Variants in C10orf90 observed in about 807,000 individuals in gnomAD.
The protein encoded by C10orf90 is chromosome 10 open reading frame 90.
In C10orf90, 56 loss-of-function variants were observed where a neutral mutation model predicts 62.5. That is an observed-to-expected ratio of 0.90 (90% CI 0.72 to 1.12). C10orf90 has a LOEUF of 1.12. Ranked by LOEUF, C10orf90 falls within the 50% of genes most tolerant of loss-of-function variation. The probability of loss-of-function intolerance (pLI) is 0.00; values close to 1 mark genes in which losing one functional copy is unlikely to be tolerated. For missense variants in C10orf90, 970 were observed against 880.4 expected, an observed-to-expected ratio of 1.10 and a Z score of -1.29; for synonymous variants, 386 against 340.4, an observed-to-expected ratio of 1.13 and a Z score of -1.47.
chr10:126,613,377 C>G (rs1262472826), intron 2 of C10orf90, among the ~76,000 whole-genome samples: 5 of 152,082 alleles, frequency 3.3e-5, no homozygotes, highest in Non-Finnish European at 5.9e-5. Context: ...GTTGGGACTA[C>G]AGACATGTGC....
chr10:126,492,403 C>T (rs1313559283), intron 4 of C10orf90, among the ~76,000 whole-genome samples: 1 of 152,170 alleles, frequency 6.6e-6, no homozygotes, highest in East Asian at 1.9e-4. Flanking sequence ...GATAGATGTA[C>T]TGTGGTTATG....
At chr10:126,592,098 A>G (rs766481371) in intron 2 of C10orf90, among the ~76,000 whole-genome samples, 10 of 152,250 alleles carry the variant, frequency 6.6e-5, no homozygotes, top group Admixed American at 4.6e-4. Context: ...GGAAGAATCA[A>G]TATCATGAAA....
chr10:126,432,714 G>A (rs754742362), intron 7 of C10orf90, among the ~76,000 whole-genome samples: 4 of 152,198 alleles, frequency 2.6e-5, no homozygotes, highest in Non-Finnish European at 4.4e-5. Flanking sequence ...AGGCGAGAGC[G>A]AAGATTACTT....
chr10:126,510,223 G>A (rs1042695735), intron 3 of C10orf90, among the ~76,000 whole-genome samples: 1 of 152,122 alleles, frequency 6.6e-6, no homozygotes, highest in African/African-American at 2.4e-5. Flanking sequence ...TTTAGTGGGG[G>A]TAGTGGGGGA....
intron 8 of C10orf90, among the ~76,000 whole-genome samples, chr10:126,426,776 TA>T (rs554371533): frequency 6.6e-6 from 1 of 152,302 alleles, no homozygotes; most frequent in Non-Finnish European, 1.5e-5. Context: ...GGCACTCAGC[TA>T]AAACATCTTT....
At chr10:126,544,906 C>T (rs1344808809) in intron 2 of C10orf90, among the ~76,000 whole-genome samples, 1 of 152,134 alleles carries the variant, frequency 6.6e-6, no homozygotes, top group East Asian at 1.9e-4. Flanking sequence ...TGATTGGCAC[C>T]AGTAGGGTGA....
chr10:126,652,146 G>A (rs1846303233), intron 1 of C10orf90, among the ~76,000 whole-genome samples: 1 of 152,166 alleles, frequency 6.6e-6, no homozygotes, highest in Non-Finnish European at 1.5e-5. Context: ...GTATTTTCTG[G>A]TTAATGCAAC....
intron 2 of C10orf90, among the ~76,000 whole-genome samples, chr10:126,645,235 C>T (rs1305675995): frequency 7.7e-6 from 1 of 130,408 alleles, no homozygotes; most frequent in Non-Finnish European, 1.6e-5. Context: ...ACATTGTGCA[C>T]ATGTACCCTA....
intron 1 of C10orf90, among the ~76,000 whole-genome samples, chr10:126,649,278 C>T (rs1399583482): frequency 2.0e-5 from 3 of 152,146 alleles, no homozygotes; most frequent in African/African-American, 7.2e-5. Context: ...CCTGCAAAGA[C>T]TTGGCGTGGA....
rs775574846 is a variant in C10orf90, at chr10:126,456,952, T to C, written c.2188+2088A>G. ...TCTGGCCTCTAGAACTGCAAGAAAG[T>C]AAGTTTCTGGGCTTGTTTTGTTTTT... is the stretch of plus-strand genomic sequence containing the variant. On this transcript the variant is annotated intron_variant, in intron 7 of 9. Coordinates refer to ENST00000488181, the MANE Select transcript of C10orf90 (RefSeq NM_001350921.2). This position sits in a 1 kb window ranked among gnomAD's most constrained non-coding sequence, Gnocchi z 4.9. 6.6e-6 allele frequency among the ~76,000 whole-genome samples: 1 copy of C among 152,166 alleles called. No homozygotes were observed. The highest frequency in any genetic ancestry group is 1.5e-5 in the Non-Finnish European group (1 of 68,018).
intron 2 of C10orf90, among the ~76,000 whole-genome samples, chr10:126,635,121 A>G (rs561083051): frequency 1.1e-4 from 16 of 152,332 alleles, no homozygotes; most frequent in African/African-American, 3.4e-4. Flanking sequence ...TTAAGCACAC[A>G]CAAGGCATTA....
chr10:126,565,243 ATATT>A (rs1216167269), intron 2 of C10orf90, among the ~76,000 whole-genome samples: 2 of 45,188 alleles, frequency 4.4e-5, no homozygotes, highest in African/African-American at 1.4e-4. Flanking sequence ...ATGTAATATA[ATATT>A]TATTATATTA....
intron 2 of C10orf90, among the ~76,000 whole-genome samples, chr10:126,561,015 C>A (rs1864889094): frequency 6.6e-6 from 1 of 152,308 alleles, no homozygotes; most frequent in African/African-American, 2.4e-5. Flanking sequence ...ATCCCTCTAG[C>A]TGTTTGGATG....
chr10:126,570,610 G>A (rs76379910), intron 2 of C10orf90, among the ~76,000 whole-genome samples: 3,646 of 152,216 alleles, frequency 0.024, 148 homozygotes, highest in African/African-American at 0.083. Flanking sequence ...TCTCAGAAAG[G>A]GTTTTTTGAG....
At chr10:126,639,916 G>C (rs1445069538) in intron 2 of C10orf90, among the ~76,000 whole-genome samples, 2 of 152,302 alleles carry the variant, frequency 1.3e-5, no homozygotes, top group Middle Eastern at 3.4e-3. Context: ...AAAATTGGGG[G>C]TCAAGGCCCA....
chr10:126,582,708 A>G (rs1367614484), intron 2 of C10orf90, among the ~76,000 whole-genome samples: 1 of 152,174 alleles, frequency 6.6e-6, no homozygotes, highest in African/African-American at 2.4e-5. Context: ...TCTCCTGATT[A>G]TATGTCTTTT....
intron 2 of C10orf90, among the ~76,000 whole-genome samples, chr10:126,628,777 G>C (rs11596800): frequency 0.06 from 9,094 of 152,234 alleles, 309 homozygotes; most frequent in Middle Eastern, 0.12. Flanking sequence ...AGTCCCTGCA[G>C]CTTCTGCAGA....
chr10:126,563,317 C>T (rs558666083), intron 2 of C10orf90, among the ~76,000 whole-genome samples: 202 of 152,286 alleles, frequency 1.3e-3, no homozygotes, highest in Non-Finnish European at 2.5e-4. Context: ...GCCTTGAGAC[C>T]CCAGCTTTTA....
chr10:126,441,171 T>G (rs907999676), intron 7 of C10orf90, among the ~76,000 whole-genome samples: 1 of 151,788 alleles, frequency 6.6e-6, no homozygotes, highest in Non-Finnish European at 1.5e-5. Context: ...TTCAAGGAAA[T>G]AGAAAGCATA....
Sources: gnomAD v4.1 joint callset for allele counts (sites outside exome capture counted in the v4.1 genomes callset) on GRCh38, gnomAD v4.1.1 for gene constraint, Gnocchi (gnomAD v3.1) non-coding constraint, MANE v1.5 for transcripts, NCBI Gene and HGNC (gene_info 2026-07-23, HGNC 2026-07-21) for gene names.